The following ANO3 variants were observed in gnomAD, a reference collection of about 807,000 sequenced individuals.
ANO3 encodes anoctamin-3.
ANO3 carries 99 observed loss-of-function variants against 144.8 expected under a neutral mutation model. The ratio of observed to expected loss-of-function variants is 0.68; its 90% confidence interval spans 0.58 to 0.81. ANO3 has a LOEUF of 0.81. ANO3 is among the 30% of genes least tolerant of loss of function. The pLI is 0.00. For missense variants in ANO3, 905 were observed against 1,202.2 expected, an observed-to-expected ratio of 0.75 and a Z score of 3.66; for synonymous variants, 414 against 392.6, an observed-to-expected ratio of 1.05 and a Z score of -0.64.
intron 1 of ANO3, among the ~76,000 whole-genome samples, chr11:26,391,990 CA>C (rs5790577): frequency 1 from 152,226 of 152,240 alleles, 76,106 homozygotes; most frequent in Non-Finnish European, 1. Flanking sequence ...TGTCGGAAAA[CA>C]ACAGCTCTCC....
At chr11:26,463,396 A>G (rs926617953) in intron 4 of ANO3, among the ~76,000 whole-genome samples, 1 of 151,896 alleles carries the variant, frequency 6.6e-6, no homozygotes, top group African/African-American at 2.4e-5. Flanking sequence ...TTATTCATTA[A>G]TAGTCCCTTT....
chr11:26,238,146 C>T (rs1318190173), intron 1 of ANO3, among the ~76,000 whole-genome samples: 1 of 152,096 alleles, frequency 6.6e-6, no homozygotes, highest in African/African-American at 2.4e-5. Context: ...GAATGCAACA[C>T]AGAATTAAAC....
intron 1 of ANO3, among the ~76,000 whole-genome samples, chr11:26,438,639 A>C (rs544025139): frequency 1.2e-4 from 18 of 150,204 alleles, no homozygotes; most frequent in Admixed American, 8.6e-4. Context: ...ATAGCCAGGC[A>C]TGGTGGCGGG....
chr11:26,305,884 G>C (rs1487962843), upstream of ANO3, among the ~76,000 whole-genome samples: 2 of 152,004 alleles, frequency 1.3e-5, no homozygotes, highest in Non-Finnish European at 2.9e-5. Flanking sequence ...CTGGTTTATT[G>C]GTTTCTCTTT....
At chr11:26,561,069 A>T in intron 14 of ANO3, 1 of 1,609,870 alleles carries the variant, frequency 6.2e-7, no homozygotes, top group South Asian at 1.1e-5. Flanking sequence ...TTAGTTCTAT[A>T]CAGAAGTACG....
intron 1 of ANO3, among the ~76,000 whole-genome samples, chr11:26,377,653 C>G (rs1399823270): frequency 1.1e-4 from 16 of 152,060 alleles, no homozygotes; most frequent in Admixed American, 1.0e-3. Flanking sequence ...TGTTGAAAGA[C>G]ATAAATCTTC....
intron 13 of ANO3, among the ~76,000 whole-genome samples, chr11:26,554,025 G>A (rs1002442521): frequency 1.3e-5 from 2 of 152,080 alleles, no homozygotes; most frequent in South Asian, 2.1e-4. Flanking sequence ...CTGTGAAACC[G>A]TTAGCATAAT....
At chr11:26,452,910 G>A (rs1231570246) in intron 3 of ANO3, among the ~76,000 whole-genome samples, 1 of 152,224 alleles carries the variant, frequency 6.6e-6, no homozygotes, top group Non-Finnish European at 1.5e-5. Context: ...CCAGAAGAGA[G>A]TGGGGCCCAA....
At chr11:26,595,457 GTTGTTTT>G (rs762847333) in intron 14 of ANO3, among the ~76,000 whole-genome samples, 6 of 67,840 alleles carry the variant, frequency 8.8e-5, no homozygotes, top group African/African-American at 2.6e-4. Flanking sequence ...TTGAGATAGA[GTTGTTTT>G]TTTTTTTTTT....
intron 1 of ANO3, among the ~76,000 whole-genome samples, chr11:26,327,108 C>G (rs1212801375): frequency 6.6e-6 from 1 of 152,130 alleles, no homozygotes; most frequent in African/African-American, 2.4e-5. Flanking sequence ...TGTCTTATTA[C>G]TAGATTACTT....
At chr11:26,505,678 A>G (rs188413803) in intron 4 of ANO3, among the ~76,000 whole-genome samples, 11 of 152,264 alleles carry the variant, frequency 7.2e-5, no homozygotes, top group Non-Finnish European at 1.6e-4. Flanking sequence ...AGATAAATTT[A>G]AGACAGCAAA....
chr11:26,521,913 G>C (rs425806), intron 6 of ANO3, among the ~76,000 whole-genome samples: 103,864 of 152,106 alleles, frequency 0.68, 35,653 homozygotes, highest in East Asian at 0.83. Context: ...GGCCGGGCGC[G>C]GTGGCTCACG....
intron 1 of ANO3, among the ~76,000 whole-genome samples, chr11:26,206,773 A>G (rs1851802170): frequency 6.6e-6 from 1 of 152,176 alleles, no homozygotes; most frequent in African/African-American, 2.4e-5. Context: ...GAGCAGATGA[A>G]TGAACATTCC....
At chr11:26,305,687 A>T (rs1267956918), upstream of ANO3, among the ~76,000 whole-genome samples, 1 of 152,166 alleles carries the variant, frequency 6.6e-6, no homozygotes, top group African/African-American at 2.4e-5. Context: ...ATTAAATTAT[A>T]TTTATTTTTT....
intron 14 of ANO3, chr11:26,565,281 G>A (rs1340099717): frequency 4.4e-6 from 7 of 1,597,250 alleles, no homozygotes; most frequent in Middle Eastern, 1.7e-4. Context: ...ATCACTGTTT[G>A]TGGTAAGCCA....
At chr11:26,539,288 T>A (rs1294970824) in intron 10 of ANO3, among the ~76,000 whole-genome samples, 2 of 152,068 alleles carry the variant, frequency 1.3e-5, no homozygotes, top group African/African-American at 2.4e-5. Flanking sequence ...CAGGGACCAC[T>A]GAGTGTACGT....
chr11:26,521,927 G>A (rs959802517), intron 6 of ANO3, among the ~76,000 whole-genome samples: 4 of 152,216 alleles, frequency 2.6e-5, no homozygotes, highest in African/African-American at 9.6e-5. Flanking sequence ...GCTCACGCCT[G>A]TAATCCCAGC....
At chr11:26,356,453 T>C (rs1289758878) in intron 1 of ANO3, among the ~76,000 whole-genome samples, 1 of 152,226 alleles carries the variant, frequency 6.6e-6, no homozygotes, top group Admixed American at 6.5e-5. Flanking sequence ...TCTGTCACTA[T>C]AGATTGCTTT....
rs148777541 is a variant in ANO3, at chr11:26,318,769, C to T, written c.-3+9050C>T. Among the ~76,000 whole-genome samples, 105 of 152,202 alleles carry T rather than the reference C, an allele frequency of 6.9e-4. 1 individual carries two copies. In the East Asian group the frequency reaches 0.02, roughly 29 times the overall value. On this transcript the variant is annotated intron_variant, in intron 1 of 26. Transcript: ENST00000525139. ...GGTATTTTGGATTATTTTTATGAGGCACATCTAGGAATATATTTTGACCCA... is the reference window on the plus strand; with the variant it reads ...GGTATTTTGGATTATTTTTATGAGGTACATCTAGGAATATATTTTGACCCA...
Sources: allele counts gnomAD v4.1 joint callset (sites outside exome capture counted in the v4.1 genomes callset), GRCh38; gene constraint gnomAD v4.1.1; transcripts MANE v1.5; gene names NCBI Gene and HGNC (gene_info 2026-07-23, HGNC 2026-07-21).